The following MCCC1 variants were observed in gnomAD, a reference collection of about 807,000 sequenced individuals.
The protein encoded by MCCC1 is methylcrotonoyl-CoA carboxylase subunit alpha, mitochondrial.
A neutral mutation model predicts 83.8 loss-of-function variants in MCCC1; 64 were observed. The ratio of observed to expected loss-of-function variants is 0.76; its 90% CI spans 0.62 to 0.94. MCCC1 has a LOEUF of 0.94. Among genes scored for constraint, MCCC1 ranks in the 40% least tolerant of loss-of-function variants. The pLI is 0.00. For synonymous variants in MCCC1, 322 were observed against 315.4 expected, an observed-to-expected ratio of 1.02 and a Z score of -0.22; for missense variants, 807 against 904.7, an observed-to-expected ratio of 0.89 and a Z score of 1.39.
intron 8 of MCCC1, among the ~76,000 whole-genome samples, chr3:183,054,828 T>C (rs1715287398): frequency 6.6e-6 from 1 of 152,186 alleles, no homozygotes; most frequent in Non-Finnish European, 1.5e-5. Flanking sequence ...GTACCTTTTC[T>C]ACGTTTATAT....
chr3:183,022,298 A>C lies in MCCC1; in HGVS notation c.1869+119T>G, dbSNP rs1712222229. 3 of 1,231,582 alleles carry C rather than the reference A, an allele frequency of 2.4e-6. No individual in the cohort carries two copies. The African/African-American group carries it at 4.5e-5, about 19-fold the overall frequency. The allele number at this position is 1,231,582 out of a possible 1,614,324, so 76.3% of individuals were successfully genotyped here. A position where few individuals can be genotyped will look rare whatever the true frequency, so the allele number is the denominator to read the frequency against. On this transcript the variant is annotated intron_variant, in intron 16 of 18. Coordinates refer to ENST00000265594, the MANE Select transcript of MCCC1 (RefSeq NM_020166.5). ...AGAATGGTGGGGGAAACTGAGGGAA[A>C]AAGGTCACAGCAGTGGTCACAGGAA... is the stretch of plus-strand genomic sequence containing the variant.
intron 14 of MCCC1, among the ~76,000 whole-genome samples, chr3:183,029,832 G>C (rs1560211029): frequency 6.6e-6 from 1 of 152,056 alleles, no homozygotes; most frequent in Non-Finnish European, 1.5e-5. Flanking sequence ...CTCAGGCCTG[G>C]CTGAATCTGA....
rs9861464 is a variant in MCCC1, at chr3:183,039,390, T to C, written c.1268-255A>G. Among the ~76,000 whole-genome samples the C allele has an allele frequency of 0.9, 136,786 of 152,148 alleles. 61,803 individuals are homozygous for C. Among genetic ancestry groups the C allele is most frequent in the East Asian group, 1 (5,156 of 5,156 alleles). On this transcript the variant is annotated intron_variant, in intron 11 of 18. Coordinates refer to ENST00000265594, the MANE Select transcript of MCCC1 (RefSeq NM_020166.5). ...CAATGGCACACAAGCTGGCTTTCCCTGTCCTATCTTCTTCTGAATCTTCTT... is the reference window on the plus strand; with the variant it reads ...CAATGGCACACAAGCTGGCTTTCCCCGTCCTATCTTCTTCTGAATCTTCTT...
At chr3:183,111,877 T>C (rs548979407) in intron 1 of MCCC1, among the ~76,000 whole-genome samples, 1 of 152,220 alleles carries the variant, frequency 6.6e-6, no homozygotes, top group Non-Finnish European at 1.5e-5. Flanking sequence ...AATTATCCTA[T>C]GAATAGCCAC....
chr3:183,086,406 G>C (rs567654899), intron 4 of MCCC1, among the ~76,000 whole-genome samples: 1 of 152,140 alleles, frequency 6.6e-6, no homozygotes, highest in African/African-American at 2.4e-5. Context: ...CAAAGGATTT[G>C]AGCTTGTAGT....
upstream of MCCC1, among the ~76,000 whole-genome samples, chr3:183,102,382 A>T (rs112644924): frequency 1.2e-4 from 19 of 152,294 alleles, no homozygotes; most frequent in Admixed American, 2.6e-4. Context: ...AGCAAAAAAA[A>T]TAACTGAAGT....
At chr3:183,040,567 A>AAAAAC (rs1386037409) in intron 11 of MCCC1, among the ~76,000 whole-genome samples, 1 of 150,088 alleles carries the variant, frequency 6.7e-6, no homozygotes, top group East Asian at 2.0e-4. Flanking sequence ...AAAAAAAAAA[A>AAAAAC]AAAAAATTAG....
At chr3:183,047,626 A>C (rs954164197) in intron 9 of MCCC1, among the ~76,000 whole-genome samples, 2 of 152,142 alleles carry the variant, frequency 1.3e-5, no homozygotes, top group South Asian at 4.1e-4. Context: ...AGAGAGGTGA[A>C]AATTCTAAGA....
intron 10 of MCCC1, among the ~76,000 whole-genome samples, chr3:183,042,250 G>A (rs6769550): frequency 0.034 from 5,210 of 152,236 alleles, 311 homozygotes; most frequent in African/African-American, 0.12. Context: ...ACAGAAAGGG[G>A]AAAATGATGG....
intron 7 of MCCC1, among the ~76,000 whole-genome samples, chr3:183,062,884 C>T (rs760687584): frequency 2.2e-4 from 34 of 152,226 alleles, no homozygotes; most frequent in Admixed American, 9.2e-4. Flanking sequence ...TGCCCTAATT[C>T]AGCCACTGCC....
At chr3:183,035,289 A>G (rs1713474371) in intron 13 of MCCC1, among the ~76,000 whole-genome samples, 1 of 152,220 alleles carries the variant, frequency 6.6e-6, no homozygotes, top group Non-Finnish European at 1.5e-5. Flanking sequence ...TTTTCATTCA[A>G]TGTAAAAGGA....
At position 183,084,957 on chromosome 3, in the gene MCCC1, T is replaced by C. The variant is rs184934214; in HGVS notation, c.369+1736A>G. Among the ~76,000 whole-genome samples, 114 of 152,122 alleles carry C rather than the reference T, an allele frequency of 7.5e-4. 1 individual carries two copies. The highest frequency in any genetic ancestry group is 4.8e-3 in the South Asian group (23 of 4,820). ...TCACTGGGTTGCTAGGAGGTATGCT[T>C]AAAAAAATAAAAAGGTGTCAGATAT... is the stretch of plus-strand genomic sequence containing the variant. On this transcript the variant is annotated intron_variant, in intron 4 of 18. Coordinates refer to ENST00000265594, the MANE Select transcript of MCCC1 (RefSeq NM_020166.5).
chr3:183,067,416 A>G (rs1016017343), intron 7 of MCCC1, among the ~76,000 whole-genome samples: 3 of 152,250 alleles, frequency 2.0e-5, no homozygotes, highest in Non-Finnish European at 4.4e-5. Flanking sequence ...ATGGCAAATA[A>G]TTATTCTTGC....
chr3:183,099,329 T>C (rs1290242327), intron 1 of MCCC1, 23 bp downstream of exon 1: 1 of 1,579,648 alleles, frequency 6.3e-7, no homozygotes, highest in Non-Finnish European at 8.6e-7. Flanking sequence ...CTCTGCCCAC[T>C]GAGCCATGGC....
rs559512390 is a variant in MCCC1, at chr3:183,038,874, C to G, written c.1377+152G>C. ...AGTCCTCAAACCCTGTTCTGGCCCA[C>G]GCAAAATTCTCCCATGTGAAACTAT... On this transcript the variant is annotated intron_variant, in intron 12 of 18. Coordinates refer to ENST00000265594, the MANE Select transcript of MCCC1 (RefSeq NM_020166.5). 5 of 730,924 alleles carry G rather than the reference C, an allele frequency of 6.8e-6. No homozygotes were observed. The African/African-American group carries it at 7.0e-5, about 10-fold the overall frequency. The allele number at this position is 730,924 out of a possible 1,614,324, so 45.3% of individuals were successfully genotyped here.
chr3:183,025,948 A>G (rs1712562948), intron 14 of MCCC1, 144 bp from the exon 15 acceptor site: 1 of 709,920 alleles, frequency 1.4e-6, no homozygotes, highest in Non-Finnish European at 2.4e-6. Context: ...TTGGAAATAA[A>G]GTATTTTGTT....
chr3:183,040,556 CAAAAAA>C (rs59767617), intron 11 of MCCC1, among the ~76,000 whole-genome samples: 1 of 112,592 alleles, frequency 8.9e-6, no homozygotes, highest in African/African-American at 3.5e-5. Context: ...ACTAAAAATA[CAAAAAA>C]AAAAAAAAAA....
chr3:183,093,516 G>C (rs1192726605), intron 2 of MCCC1, among the ~76,000 whole-genome samples: 1 of 152,094 alleles, frequency 6.6e-6, no homozygotes, highest in Non-Finnish European at 1.5e-5. Context: ...CCAGTCTACT[G>C]GCATGGCACC....
intron 9 of MCCC1, among the ~76,000 whole-genome samples, chr3:183,046,087 G>A (rs1020251423): frequency 6.6e-6 from 1 of 152,170 alleles, no homozygotes. Context: ...ACAACAAACT[G>A]TAACTATTTG....
Sources: gnomAD v4.1 joint callset for allele counts (sites outside exome capture counted in the v4.1 genomes callset) on GRCh38, gnomAD v4.1.1 for gene constraint, MANE v1.5 for transcripts, NCBI Gene and HGNC (gene_info 2026-07-23, HGNC 2026-07-21) for gene names.